FAM193B: variants seen among roughly 807,000 people sequenced by gnomAD.
FAM193B encodes the protein family with sequence similarity 193 member B.
In FAM193B, 27 loss-of-function variants were observed where a neutral mutation model predicts 70.7. The observed-to-expected ratio is 0.38, with a 90% CI of 0.28 to 0.53. The LOEUF (loss-of-function observed/expected upper bound fraction) is 0.53. Among genes scored for constraint, FAM193B ranks in the 20% least tolerant of loss-of-function variants. The probability of loss-of-function intolerance (pLI) is 0.81; values close to 1 mark genes in which losing one functional copy is unlikely to be tolerated. For missense variants in FAM193B, 1,022 were observed against 1,072.5 expected (o/e 0.95, Z 0.66); for synonymous variants, 448 against 436.0 (o/e 1.03, Z -0.34).
At chr5:177,531,533 G>A (rs1763461807) in intron 5 of FAM193B, 9 of 1,284,560 alleles carry the variant, frequency 7.0e-6, no homozygotes, top group South Asian at 1.2e-5. Flanking sequence ...TGGGGGTGGG[G>A]GGGAGGTGCT....
chr5:177,536,209 G>T, intron 4 of FAM193B, 149 bp downstream of exon 4: 1 of 923,590 alleles, frequency 1.1e-6, no homozygotes, highest in Non-Finnish European at 1.6e-6. Context: ...CACTGTGCCA[G>T]GCCAAAACAC....
chr5:177,523,399 G>A (rs1353816659), intron 7 of FAM193B: 1 of 225,930 alleles, frequency 4.4e-6, no homozygotes, highest in African/African-American at 2.3e-5. Context: ...CAGATATGGA[G>A]GGTGACTGTA....
chr5:177,520,765 AG>A (rs1368257872), intron 8 of FAM193B, among the ~76,000 whole-genome samples: 1 of 152,202 alleles, frequency 6.6e-6, no homozygotes, highest in African/African-American at 2.4e-5. Flanking sequence ...GAGGTGGAGA[AG>A]AGGCAGGAGG....
rs1231805225 is a variant in FAM193B at position 177,553,908 on chromosome 5, C to CG, written c.210+340dup. On this transcript the variant is annotated intron_variant, in intron 1 of 8. Coordinates refer to ENST00000514747, the MANE Select transcript of FAM193B (RefSeq NM_001190946.3). ...CTGTGGCTGAGGGAGCAGGTGGGCC[C>CG]GGGGGAGGTGGCGGGCCGAGAGCGG... 9 of 1,216,226 alleles carry CG rather than the reference C, an allele frequency of 7.4e-6. No individual in the cohort carries two copies. The East Asian group carries it at 4.9e-4, about 66-fold the overall frequency. 75.3% of individuals were successfully genotyped at this position (1,216,226 alleles called of 1,614,324 possible). A position where few individuals can be genotyped will look rare whatever the true frequency, so the allele number is the denominator to read the frequency against.
At position 177,532,038 on chromosome 5, in the gene FAM193B, C is replaced by T; in HGVS notation, c.1275+405G>A. 1 of 1,292,992 alleles carries T rather than the reference C, an allele frequency of 7.7e-7. No individual in the cohort carries two copies. Among genetic ancestry groups the T allele is most frequent in the Non-Finnish European group, 1.0e-6 (1 of 991,386 alleles). The allele number at this position is 1,292,992 out of a possible 1,614,324, so 80.1% of individuals were successfully genotyped here. A position where few individuals can be genotyped will look rare whatever the true frequency, so the allele number is the denominator to read the frequency against. ...AGCCTCCTTCCTGGCGCCGTCTGTG[C>T]TCACGGCCTGTCCCTCGGCTGGCTG... On this transcript the variant is annotated intron_variant, in intron 5 of 8. Coordinates refer to ENST00000514747, the MANE Select transcript of FAM193B (RefSeq NM_001190946.3). The surrounding 1 kb of genome is among the most constrained non-coding windows in gnomAD (Gnocchi z 4.9).
chr5:177,522,626 C>T (rs1234716593), intron 7 of FAM193B, among the ~76,000 whole-genome samples: 1 of 151,788 alleles, frequency 6.6e-6, no homozygotes, highest in Non-Finnish European at 1.5e-5. Flanking sequence ...AGGTGGGAGA[C>T]ACTGTGCTTG....
chr5:177,530,039 T>G (rs1025908407), intron 5 of FAM193B, among the ~76,000 whole-genome samples: 43 of 152,224 alleles, frequency 2.8e-4, no homozygotes, highest in African/African-American at 9.2e-4. Flanking sequence ...TGGAACTAGC[T>G]GGTTGTTACA....
intron 5 of FAM193B, chr5:177,531,667 T>G: frequency 1.3e-6 from 1 of 752,728 alleles, no homozygotes; most frequent in Non-Finnish European, 1.8e-6. Flanking sequence ...CTTCACCCTC[T>G]CAGCCAGGCT....
rs1764199833 is a variant in FAM193B at position 177,536,587 on chromosome 5, C to T, written c.847G>A (p.Ala283Thr). The T allele has an allele frequency of 1.3e-6, 2 of 1,544,240 alleles. No individual in the cohort carries two copies. Among genetic ancestry groups the T allele is most frequent in the Non-Finnish European group, 1.7e-6 (2 of 1,152,796 alleles). Reference sequence around the variant, plus strand: ...GAAGCCTGGGCAGGGAAAGGTGCTGCCGGGGTGGTGGGCAGCAGGTGTGGG... The same window carrying T: ...GAAGCCTGGGCAGGGAAAGGTGCTGTCGGGGTGGTGGGCAGCAGGTGTGGG... ...PHPHLLPTTPAAPFPAQASEC... is the reference protein window; with the variant it reads ...PHPHLLPTTPTAPFPAQASEC... The change falls in exon 4 of 9, where the codon GCA becomes ACA. Residue 283 changes from alanine (A) to threonine (T), a missense_variant. Physicochemically the swap from Ala to Thr is moderately conservative, Grantham distance 58. Transcript: ENST00000514747.
chr5:177,546,098 T>C (rs1186929801), intron 1 of FAM193B, among the ~76,000 whole-genome samples: 1 of 152,226 alleles, frequency 6.6e-6, no homozygotes, highest in Non-Finnish European at 1.5e-5. Flanking sequence ...TTATCATCAG[T>C]CACTCTTCCA....
chr5:177,523,505 G>A (rs1450379608), intron 7 of FAM193B, among the ~76,000 whole-genome samples: 1 of 152,078 alleles, frequency 6.6e-6, no homozygotes, highest in Non-Finnish European at 1.5e-5. Flanking sequence ...TTACTCTTCA[G>A]GTTTCAACTT....
rs369468804 is a variant in FAM193B, at chr5:177,537,882, T to C, written c.679A>G (p.Thr227Ala). 11 of 1,608,024 alleles carry C rather than the reference T, an allele frequency of 6.8e-6. No individual in the cohort carries two copies. The highest frequency in any genetic ancestry group is 9.3e-6 in the Non-Finnish European group (11 of 1,176,988). Residue 227 changes from threonine to alanine, a missense_variant, in exon 3 of 9, where the codon ACC becomes GCC. By Grantham distance (58) the Thr-to-Ala change is moderately conservative. Transcript: ENST00000514747. ...MPGSSLGSPPTIPGEAFPVSE... is the reference protein window; with the variant it reads ...MPGSSLGSPPAIPGEAFPVSE... ...GAGCCTGGAGACTCACCGGGGATGGTAGGAGGACTCCCAAGAGAGCTGCCT... is the reference window on the plus strand; with the variant it reads ...GAGCCTGGAGACTCACCGGGGATGGCAGGAGGACTCCCAAGAGAGCTGCCT...
chr5:177,536,908 C>G (rs925402619), intron 3 of FAM193B, among the ~76,000 whole-genome samples, 163 bp from the exon 4 acceptor site: 3 of 152,208 alleles, frequency 2.0e-5, no homozygotes, highest in African/African-American at 7.2e-5. Flanking sequence ...GGCAGCAACA[C>G]AGCTGAGCAG....
chr5:177,523,648 C>T (rs565962956), intron 7 of FAM193B, among the ~76,000 whole-genome samples: 46 of 152,372 alleles, frequency 3.0e-4, no homozygotes, highest in Non-Finnish European at 5.7e-4. Flanking sequence ...TTGACCTCAG[C>T]CCAGGCAAAG....
chr5:177,547,254 C>T (rs897666438), intron 1 of FAM193B: 1 of 149,050 alleles, frequency 6.7e-6, no homozygotes, highest in African/African-American at 2.5e-5. Context: ...GGGAAACTTA[C>T]TAAGTGAGAC....
intron 3 of FAM193B, among the ~76,000 whole-genome samples, chr5:177,537,025 AGGGTC>A (rs1280935088): frequency 6.6e-6 from 1 of 152,154 alleles, no homozygotes. Flanking sequence ...TCTGTCTCTG[AGGGTC>A]TCTCTAGGAT....
At chr5:177,547,648 C>T (rs1156597409) in intron 1 of FAM193B, among the ~76,000 whole-genome samples, 1 of 152,130 alleles carries the variant, frequency 6.6e-6, no homozygotes, top group Non-Finnish European at 1.5e-5. Context: ...CCTCTTTGAA[C>T]CCCCAGCTCC....
At chr5:177,526,217 G>A (rs1458820822) in intron 5 of FAM193B, among the ~76,000 whole-genome samples, 2 of 152,216 alleles carry the variant, frequency 1.3e-5, no homozygotes, top group African/African-American at 4.8e-5. Context: ...ACAGTCAATT[G>A]TTCTGTGGGA....
Position 177,536,884 on chromosome 5 carries a change from G to A in FAM193B, c.689-139C>T, listed in dbSNP as rs539505957. The A allele has an allele frequency of 9.1e-6, 11 of 1,204,024 alleles. No homozygotes were observed. The African/African-American group carries it at 1.6e-4, about 17-fold the overall frequency. 74.6% of individuals were successfully genotyped at this position (1,204,024 alleles called of 1,614,324 possible). On this transcript the variant is annotated intron_variant, in intron 3 of 8. Coordinates refer to ENST00000514747, the MANE Select transcript of FAM193B (RefSeq NM_001190946.3). ...CAGCACAGGGGACCCTGGAGCTGCA[G>A]AAGATTCTGTGTGGGCAGCAACACA...
Sources: allele counts gnomAD v4.1 joint callset (sites outside exome capture counted in the v4.1 genomes callset), GRCh38; gene constraint gnomAD v4.1.1; non-coding constraint Gnocchi (gnomAD v3.1); transcripts MANE v1.5; gene names NCBI Gene and HGNC (gene_info 2026-07-23, HGNC 2026-07-21).